ARFGEF1: variants seen among roughly 807,000 people sequenced by gnomAD.
The protein encoded by ARFGEF1 is brefeldin A-inhibited guanine nucleotide-exchange protein 1.
ARFGEF1 carries 42 observed loss-of-function variants against 231.0 expected under a neutral mutation model. The ratio of observed to expected loss-of-function variants is 0.18; its 90% confidence interval spans 0.14 to 0.24. The LOEUF (loss-of-function observed/expected upper bound fraction) is 0.24, where lower values mean the gene tolerates loss of function less well. ARFGEF1 is among the 10% of genes least tolerant of loss of function. ARFGEF1 has a pLI of 1.00. For missense variants in ARFGEF1, 1,345 were observed against 2,192.0 expected, an observed-to-expected ratio of 0.61 and a Z score of 7.72; for synonymous variants, 710 against 732.3, an observed-to-expected ratio of 0.97 and a Z score of 0.49.
intron 1 of ARFGEF1, among the ~76,000 whole-genome samples, chr8:67,342,776 T>G (rs1293743751): frequency 6.6e-6 from 1 of 152,174 alleles, no homozygotes; most frequent in Non-Finnish European, 1.5e-5. Flanking sequence ...AATCTTGACA[T>G]ACCAGCCCCA....
chr8:67,216,044 T>C (rs545769982), intron 33 of ARFGEF1, among the ~76,000 whole-genome samples: 3 of 152,222 alleles, frequency 2.0e-5, no homozygotes, highest in Non-Finnish European at 4.4e-5. Context: ...TTAAAAATAA[T>C]TTAAAATACT....
chr8:67,300,925 TA>T (rs1304851317), intron 3 of ARFGEF1, among the ~76,000 whole-genome samples: 6 of 152,084 alleles, frequency 3.9e-5, no homozygotes, highest in African/African-American at 1.4e-4. Context: ...GGCAGCAGGT[TA>T]AAAGTATTAC....
chr8:67,188,541 C>T (rs1278073184), intron 5 of ARFGEF1, among the ~76,000 whole-genome samples: 1 of 152,212 alleles, frequency 6.6e-6, no homozygotes, highest in Non-Finnish European at 1.5e-5. Flanking sequence ...AGTGGCAACC[C>T]GTTTTGGGTC....
chr8:67,215,640 C>T (rs1343546202), intron 33 of ARFGEF1, among the ~76,000 whole-genome samples: 1 of 152,066 alleles, frequency 6.6e-6, no homozygotes, highest in African/African-American at 2.4e-5. Flanking sequence ...GTGAACAAGC[C>T]AAATAATGCC....
intron 1 of ARFGEF1, among the ~76,000 whole-genome samples, chr8:67,322,904 T>C (rs1412632803): frequency 1.3e-5 from 2 of 152,222 alleles, no homozygotes; most frequent in African/African-American, 4.8e-5. Flanking sequence ...ACCACATCTT[T>C]ACATTCATCA....
chr8:67,220,755 C>T (rs796988347), intron 29 of ARFGEF1, among the ~76,000 whole-genome samples: 10 of 152,306 alleles, frequency 6.6e-5, no homozygotes, highest in African/African-American at 2.4e-4. Context: ...TATTCCCTTC[C>T]ACTCCAAGTA....
At chr8:67,209,231 T>C (rs987237879) in intron 34 of ARFGEF1, among the ~76,000 whole-genome samples, 4 of 151,880 alleles carry the variant, frequency 2.6e-5, no homozygotes, top group African/African-American at 9.7e-5. Flanking sequence ...ATGTGGTCTA[T>C]ACATTCAGTG....
At chr8:67,290,393 C>T (rs1805957470) in intron 6 of ARFGEF1, among the ~76,000 whole-genome samples, 1 of 152,080 alleles carries the variant, frequency 6.6e-6, no homozygotes, top group South Asian at 2.1e-4. Flanking sequence ...AATTTCCTAC[C>T]CCTATCTATC....
Position 67,228,233 on chromosome 8 carries a change from T to C in ARFGEF1, c.3412A>G (p.Asn1138Asp), listed in dbSNP as rs1168145356. ...IFTGSTRLDG[N>D]AIVDFVRWLC... The stretch of plus-strand genomic sequence containing the variant: ...AAATGCCCATACTTACCAATGGCAT[T>C]TCCATCTAGCCTTGTAGATCCTGTG... The change falls in exon 24 of 39, where the codon AAT becomes GAT. Residue 1138 changes from asparagine to aspartate, a missense_variant. Coordinates refer to ENST00000262215, the MANE Select transcript of ARFGEF1 (RefSeq NM_006421.5). The C allele has an allele frequency of 1.9e-6, 3 of 1,611,176 alleles. No individual in the cohort carries two copies. The highest frequency in any genetic ancestry group is 2.5e-6 in the Non-Finnish European group (3 of 1,178,328).
intron 33 of ARFGEF1, among the ~76,000 whole-genome samples, chr8:67,215,408 A>T (rs1366386882): frequency 6.6e-6 from 1 of 152,186 alleles, no homozygotes; most frequent in Non-Finnish European, 1.5e-5. Flanking sequence ...CCTAAAAAGT[A>T]TGTTCAAGTC....
intron 22 of ARFGEF1, among the ~76,000 whole-genome samples, chr8:67,235,029 A>AAT (rs1398084356): frequency 1.3e-5 from 2 of 151,228 alleles, no homozygotes; most frequent in South Asian, 2.1e-4. Context: ...CCACAGAGGA[A>AAT]ATATATATAT....
chr8:67,287,891 A>G, intron 7 of ARFGEF1, 64 bp downstream of exon 7: 2 of 1,126,026 alleles, frequency 1.8e-6, no homozygotes, highest in Non-Finnish European at 2.4e-6. Context: ...AGACATTACA[A>G]AGTCTCCACA....
downstream of ARFGEF1, chr8:67,195,248 C>A: frequency 1.4e-6 from 1 of 720,272 alleles, no homozygotes; most frequent in South Asian, 1.6e-5. Flanking sequence ...CCAAAACAAA[C>A]AAACAGTAGA....
chr8:67,256,657 A>G (rs928266762), intron 17 of ARFGEF1, among the ~76,000 whole-genome samples: 13 of 152,200 alleles, frequency 8.5e-5, no homozygotes, highest in Non-Finnish European at 4.4e-5. Context: ...ATAATTTATA[A>G]ATGTAATTTT....
rs1194224902 is a variant in ARFGEF1 at position 67,301,788 on chromosome 8, C to CA, written c.156-409dup. Among the ~76,000 whole-genome samples, 4 of 152,096 alleles carry CA rather than the reference C, an allele frequency of 2.6e-5. No homozygotes were observed. In the East Asian group the frequency reaches 7.7e-4, roughly 29 times the overall value. ...ATTGTCCTAAAAATGCCAACACTATCAAAAAACCTAGTAATTTTTCCAAAT... is the reference window on the plus strand; with the variant it reads ...ATTGTCCTAAAAATGCCAACACTATCAAAAAAACCTAGTAATTTTTCCAAAT... On this transcript the variant is annotated intron_variant, in intron 2 of 38. Coordinates refer to ENST00000262215, the MANE Select transcript of ARFGEF1 (RefSeq NM_006421.5).
downstream of ARFGEF1, chr8:67,195,280 G>A: frequency 1.3e-6 from 1 of 783,802 alleles, no homozygotes; most frequent in Admixed American, 1.8e-5. Flanking sequence ...GAGACTGTGG[G>A]GAAATGCTGA....
chr8:67,271,588 G>A, intron 10 of ARFGEF1, 114 bp downstream of exon 10: 1 of 776,962 alleles, frequency 1.3e-6, no homozygotes, highest in Non-Finnish European at 2.1e-6. Context: ...TAAGTGCATG[G>A]CAATATACAA....
chr8:67,226,273 C>T (rs901111192), intron 27 of ARFGEF1, 90 bp from the exon 28 acceptor site: 2 of 1,179,606 alleles, frequency 1.7e-6, no homozygotes, highest in African/African-American at 1.6e-5. Context: ...TAATGCACTT[C>T]CTCTTAAAGG....
rs112520291 is a variant in ARFGEF1, at chr8:67,269,927, A to G, written c.1572+1775T>C. ...AACTTAAATAATTTTTGATATCTAG[A>G]TCTAAGAATTTATATTTTACTGTCG... On this transcript the variant is annotated intron_variant, in intron 10 of 38. Coordinates refer to ENST00000262215, the MANE Select transcript of ARFGEF1 (RefSeq NM_006421.5). Among the ~76,000 whole-genome samples the G allele has an allele frequency of 3.3e-4, 50 of 152,184 alleles. 2 individuals carry two copies. The South Asian group carries it at 8.9e-3, about 27-fold the overall frequency.
Sources: allele counts gnomAD v4.1 joint callset (sites outside exome capture counted in the v4.1 genomes callset), GRCh38; gene constraint gnomAD v4.1.1; transcripts MANE v1.5; gene names NCBI Gene and HGNC (gene_info 2026-07-23, HGNC 2026-07-21).